Variants in QTGAL observed in about 807,000 individuals in gnomAD.
QTGAL encodes the protein BGnT-like protein 1.
chr17:83,014,433 A>C, the QTGAL span: 32 of 1,611,902 alleles, frequency 2.0e-5, no homozygotes, highest in Middle Eastern at 6.6e-4. Context: ...TAGTAACGAC[A>C]CTAAGGAGGC....
chr17:82,991,287 C>A, the QTGAL span, among the ~76,000 whole-genome samples: 3,599 of 152,164 alleles, frequency 0.024, 158 homozygotes, highest in African/African-American at 0.083. Flanking sequence ...GAATTGTACT[C>A]CCATAATTCC....
the QTGAL span, among the ~76,000 whole-genome samples, chr17:82,959,964 A>G: frequency 8.5e-5 from 13 of 152,312 alleles, no homozygotes; most frequent in South Asian, 4.1e-4. Flanking sequence ...CCTCAGAGGA[A>G]GCCGTGGCCC....
At chr17:83,001,754 CT>C in the QTGAL span, among the ~76,000 whole-genome samples, 64,952 of 152,006 alleles carry the variant, frequency 0.43, 14,309 homozygotes, top group Non-Finnish European at 0.48. Flanking sequence ...TGAAGCATAA[CT>C]TTTGACAAAT....
At chr17:83,038,050 G>A in the QTGAL span, among the ~76,000 whole-genome samples, 3 of 152,156 alleles carry the variant, frequency 2.0e-5, no homozygotes, top group Non-Finnish European at 2.9e-5. Context: ...AAGCGGCGAC[G>A]TTATTAGGAA....
At chr17:82,997,237 T>C in the QTGAL span, among the ~76,000 whole-genome samples, 1 of 152,210 alleles carries the variant, frequency 6.6e-6, no homozygotes, top group South Asian at 2.1e-4. Flanking sequence ...GCAAAAGATC[T>C]GAACAGACAC....
chr17:82,967,176 T>C, the QTGAL span, among the ~76,000 whole-genome samples: 1 of 152,222 alleles, frequency 6.6e-6, no homozygotes, highest in African/African-American at 2.4e-5. Context: ...CATTCTGAGA[T>C]TGGGGGTGAG....
the QTGAL span, among the ~76,000 whole-genome samples, chr17:82,971,399 G>A: frequency 2.0e-4 from 30 of 152,296 alleles, no homozygotes; most frequent in East Asian, 1.4e-3. Flanking sequence ...ACTGCCAGGC[G>A]CCCGGCGAGT....
At chr17:83,049,353 A>C in the QTGAL span, among the ~76,000 whole-genome samples, 7 of 151,740 alleles carry the variant, frequency 4.6e-5, no homozygotes, top group African/African-American at 7.3e-5. Flanking sequence ...CAGAAACATC[A>C]TTTTGGTTGA....
chr17:82,974,304 CTG>C, the QTGAL span, among the ~76,000 whole-genome samples: 1 of 152,210 alleles, frequency 6.6e-6, no homozygotes, highest in African/African-American at 2.4e-5. Flanking sequence ...ACCCTGGACA[CTG>C]TGCGTGACAA....
the QTGAL span, chr17:83,005,860 C>T: frequency 7.3e-7 from 1 of 1,374,168 alleles, no homozygotes; most frequent in Non-Finnish European, 9.5e-7. The surrounding 1 kb of genome is among the most constrained non-coding windows in gnomAD (Gnocchi z 5.6). Flanking sequence ...GCCCTCCGCC[C>T]TGCCCGGCCC....
chr17:83,038,563 T>C, the QTGAL span, among the ~76,000 whole-genome samples: 3 of 152,204 alleles, frequency 2.0e-5, no homozygotes, highest in African/African-American at 7.2e-5. Flanking sequence ...ATTCTTTAAC[T>C]TAAAAGAATA....
the QTGAL span, among the ~76,000 whole-genome samples, chr17:83,009,751 G>A: frequency 2.0e-5 from 3 of 152,108 alleles, no homozygotes; most frequent in Non-Finnish European, 4.4e-5. Context: ...GGGCTGAGGC[G>A]GGAGGCAAAT....
the QTGAL span, among the ~76,000 whole-genome samples, chr17:83,004,769 C>T: frequency 2.6e-4 from 40 of 151,752 alleles, 2 homozygotes; most frequent in East Asian, 5.8e-3. Flanking sequence ...CTCCGCAGTC[C>T]GCGTGTGGGA....
the QTGAL span, chr17:82,942,376 G>C: frequency 6.2e-7 from 1 of 1,607,900 alleles, no homozygotes; most frequent in Non-Finnish European, 8.5e-7. Context: ...GGCCCAGAGG[G>C]GTGAGGGTCC....
At chr17:82,988,830 A>AT in the QTGAL span, among the ~76,000 whole-genome samples, 74 of 152,298 alleles carry the variant, frequency 4.9e-4, no homozygotes, top group African/African-American at 1.7e-3. Flanking sequence ...CAGAATGGCG[A>AT]TTTTTTAAAA....
the QTGAL span, among the ~76,000 whole-genome samples, chr17:83,013,972 G>T: frequency 2.0e-5 from 3 of 152,054 alleles, no homozygotes; most frequent in Non-Finnish European, 2.9e-5. Context: ...GGATGGAGGA[G>T]CCCACGGGGC....
chr17:83,005,033 CAA>C, the QTGAL span: 3 of 1,189,184 alleles, frequency 2.5e-6, no homozygotes, highest in South Asian at 4.5e-5. The surrounding 1 kb of genome is among the most constrained non-coding windows in gnomAD (Gnocchi z 5.6). Flanking sequence ...GACGCAGACA[CAA>C]GAGGCCACAG....
At chr17:82,965,835 A>C in the QTGAL span, 1 of 1,315,398 alleles carries the variant, frequency 7.6e-7, no homozygotes, top group Non-Finnish European at 1.1e-6. Flanking sequence ...TGTCACGAGA[A>C]AGTGACAGAT....
the QTGAL span, among the ~76,000 whole-genome samples, chr17:82,987,271 G>A: frequency 2.6e-5 from 4 of 151,942 alleles, no homozygotes; most frequent in African/African-American, 4.8e-5. Context: ...AAATGTTAGC[G>A]AGAAAAAGGA....
Sources: allele counts gnomAD v4.1 joint callset (sites outside exome capture counted in the v4.1 genomes callset), GRCh38; gene constraint gnomAD v4.1.1; non-coding constraint Gnocchi (gnomAD v3.1); transcripts MANE v1.5; gene names NCBI Gene and HGNC (gene_info 2026-07-23, HGNC 2026-07-21).